KCTD16: variants seen among roughly 807,000 people sequenced by gnomAD.
KCTD16 encodes BTB/POZ domain-containing protein KCTD16.
Under a neutral mutation model 33.2 loss-of-function variants are expected in KCTD16, and 13 were observed. The ratio of observed to expected loss-of-function variants is 0.39; its 90% CI spans 0.25 to 0.62. The LOEUF (loss-of-function observed/expected upper bound fraction) is 0.62. KCTD16 is among the 20% of genes least tolerant of loss of function. The probability of loss-of-function intolerance (pLI) is 0.50; values close to 1 mark genes in which losing one functional copy is unlikely to be tolerated. For missense variants in KCTD16, 441 were observed against 525.1 expected, an observed-to-expected ratio of 0.84 and a Z score of 1.57; for synonymous variants, 197 against 195.3, an observed-to-expected ratio of 1.01 and a Z score of -0.07.
chr5:144,321,019 G>C (rs1752059565), intron 3 of KCTD16, among the ~76,000 whole-genome samples: 1 of 151,850 alleles, frequency 6.6e-6, no homozygotes, highest in Non-Finnish European at 1.5e-5. Flanking sequence ...CCACACTTGG[G>C]TAATTTTGTA....
At chr5:144,326,525 T>G (rs1446325702) in intron 3 of KCTD16, among the ~76,000 whole-genome samples, 1 of 152,052 alleles carries the variant, frequency 6.6e-6, no homozygotes, top group Non-Finnish European at 1.5e-5. Flanking sequence ...AAAATGGAAA[T>G]AAAATAAATA....
At chr5:144,368,569 C>G (rs923760139) in intron 3 of KCTD16, among the ~76,000 whole-genome samples, 1 of 152,114 alleles carries the variant, frequency 6.6e-6, no homozygotes, top group Non-Finnish European at 1.5e-5. Flanking sequence ...AGTTGTCTCC[C>G]AAAACCTTTA....
intron 3 of KCTD16, among the ~76,000 whole-genome samples, chr5:144,322,590 T>C (rs1215352000): frequency 1.3e-5 from 2 of 152,130 alleles, no homozygotes; most frequent in Non-Finnish European, 2.9e-5. Flanking sequence ...TTTAAATCTC[T>C]GAATCTAGCC....
intron 3 of KCTD16, among the ~76,000 whole-genome samples, chr5:144,286,581 C>T (rs1278397643): frequency 6.6e-6 from 1 of 152,194 alleles, no homozygotes; most frequent in Non-Finnish European, 1.5e-5. Flanking sequence ...TTGAATTAAA[C>T]ATTGTTTAGG....
chr5:144,467,883 G>T (rs186646331), intron 3 of KCTD16, among the ~76,000 whole-genome samples: 148 of 152,226 alleles, frequency 9.7e-4, no homozygotes, highest in African/African-American at 3.5e-3. Context: ...CCAGGACTGG[G>T]ATTTGGGTTA....
At chr5:144,326,886 G>C (rs1272119517) in intron 3 of KCTD16, among the ~76,000 whole-genome samples, 1 of 152,152 alleles carries the variant, frequency 6.6e-6, no homozygotes, top group African/African-American at 2.4e-5. Flanking sequence ...AAGGTTTCCT[G>C]TCCCTATATT....
At chr5:144,201,355 A>G (rs1240161441) in intron 2 of KCTD16, among the ~76,000 whole-genome samples, 1 of 152,192 alleles carries the variant, frequency 6.6e-6, no homozygotes, top group Non-Finnish European at 1.5e-5. Flanking sequence ...CATGAATAAT[A>G]AATACATTTA....
intron 3 of KCTD16, among the ~76,000 whole-genome samples, chr5:144,359,301 A>G (rs981457919): frequency 1.3e-5 from 2 of 152,044 alleles, no homozygotes; most frequent in African/African-American, 4.8e-5. Context: ...TCCACTCAAC[A>G]CTTGTCAGAT....
chr5:144,383,553 A>G (rs1411604095), intron 3 of KCTD16, among the ~76,000 whole-genome samples: 1 of 152,046 alleles, frequency 6.6e-6, no homozygotes, highest in Non-Finnish European at 1.5e-5. Context: ...AGGAAAAAAA[A>G]AAAAAGAAAC....
At chr5:144,356,538 G>T (rs1220703225) in intron 3 of KCTD16, among the ~76,000 whole-genome samples, 24 of 151,940 alleles carry the variant, frequency 1.6e-4, no homozygotes, top group Non-Finnish European at 1.8e-4. Context: ...TTCAGTGCTG[G>T]GTTTACTGCC....
At chr5:144,190,739 C>T (rs1417103870) in intron 2 of KCTD16, among the ~76,000 whole-genome samples, 1 of 152,170 alleles carries the variant, frequency 6.6e-6, no homozygotes, top group East Asian at 1.9e-4. Context: ...TTTTTCTCCA[C>T]TATATTTATT....
intron 3 of KCTD16, among the ~76,000 whole-genome samples, chr5:144,211,331 C>G (rs1268121438): frequency 6.6e-6 from 1 of 152,068 alleles, no homozygotes; most frequent in Non-Finnish European, 1.5e-5. Context: ...ATTATTCTAG[C>G]CTTTTTTTTC....
chr5:144,330,242 G>A (rs1367517686), intron 3 of KCTD16, among the ~76,000 whole-genome samples: 3 of 151,660 alleles, frequency 2.0e-5, no homozygotes, highest in Admixed American at 6.6e-5. Flanking sequence ...GTGAAACCCC[G>A]TCTCTACTAA....
At chr5:144,306,316 C>T (rs988828758) in intron 3 of KCTD16, among the ~76,000 whole-genome samples, 1 of 152,202 alleles carries the variant, frequency 6.6e-6, no homozygotes, top group African/African-American at 2.4e-5. Context: ...AAGCAGTTTG[C>T]GTTTTTGCAA....
chr5:144,357,878 C>A (rs937937560), intron 3 of KCTD16, among the ~76,000 whole-genome samples: 1 of 152,014 alleles, frequency 6.6e-6, no homozygotes, highest in Non-Finnish European at 1.5e-5. Flanking sequence ...CACCTGCTCA[C>A]CTGCTCAGAA....
At chr5:144,385,395 T>C (rs1348055880) in intron 3 of KCTD16, 2 of 152,210 alleles carry the variant, frequency 1.3e-5, no homozygotes, top group African/African-American at 2.4e-5. Flanking sequence ...TTCAGTAACA[T>C]GCTTGGGGCC....
chr5:144,220,234 G>A (rs1363326282), intron 3 of KCTD16, among the ~76,000 whole-genome samples: 1 of 152,172 alleles, frequency 6.6e-6, no homozygotes, highest in Non-Finnish European at 1.5e-5. Context: ...CCTTGAAAAG[G>A]CCTTCTGCTG....
At chr5:144,225,838 T>G (rs1753914519) in intron 3 of KCTD16, among the ~76,000 whole-genome samples, 1 of 152,158 alleles carries the variant, frequency 6.6e-6, no homozygotes, top group Non-Finnish European at 1.5e-5. Context: ...GGAGAGTTAT[T>G]TGGGAACATA....
chr5:144,230,748 G>A (rs1217719747), intron 3 of KCTD16, among the ~76,000 whole-genome samples: 1 of 152,172 alleles, frequency 6.6e-6, no homozygotes, highest in Non-Finnish European at 1.5e-5. Context: ...AGTGATACAA[G>A]TATTAGGAAA....
Sources: gnomAD v4.1 joint callset for allele counts (sites outside exome capture counted in the v4.1 genomes callset) on GRCh38, gnomAD v4.1.1 for gene constraint, MANE v1.5 for transcripts, NCBI Gene and HGNC (gene_info 2026-07-23, HGNC 2026-07-21) for gene names.